The following PRPSAP2 variants were observed in gnomAD, a reference collection of about 807,000 sequenced individuals.
PRPSAP2 encodes phosphoribosyl pyrophosphate synthase-associated protein 2.
In PRPSAP2, 24 loss-of-function variants were observed where a neutral mutation model predicts 40.6. The ratio of observed to expected loss-of-function variants is 0.59; its 90% CI spans 0.43 to 0.83. The LOEUF (loss-of-function observed/expected upper bound fraction) is 0.83. Among genes scored for constraint, PRPSAP2 ranks in the 40% least tolerant of loss-of-function variants. The probability of loss-of-function intolerance (pLI) is 0.00; values close to 1 mark genes in which losing one functional copy is unlikely to be tolerated. For missense variants in PRPSAP2, 292 were observed against 465.6 expected, an observed-to-expected ratio of 0.63 and a Z score of 3.43; for synonymous variants, 149 against 164.7, an observed-to-expected ratio of 0.90 and a Z score of 0.73.
rs966468530 is a variant in PRPSAP2, at chr17:18,926,603, A to G, written c.805-2208A>G. 2.6e-5 allele frequency among the ~76,000 whole-genome samples: 4 copies of G among 152,270 alleles called. No homozygotes were observed. In the South Asian group the frequency reaches 8.3e-4, roughly 32 times the overall value. On this transcript the variant is annotated intron_variant, in intron 10 of 11. Coordinates refer to ENST00000268835, the MANE Select transcript of PRPSAP2 (RefSeq NM_002767.4). ...TTTTAAAAAAACGTTTTTATTTTGA[A>G]GTAATTATAGATCCACAGGAAGTAG...
At chr17:18,876,481 A>G (rs1174411813) in intron 5 of PRPSAP2, among the ~76,000 whole-genome samples, 3 of 152,058 alleles carry the variant, frequency 2.0e-5, no homozygotes, top group Non-Finnish European at 4.4e-5. Flanking sequence ...GTTTCCATTC[A>G]CTCCTTCTTT....
At chr17:18,914,976 T>C (rs565854068) in intron 9 of PRPSAP2, among the ~76,000 whole-genome samples, 2 of 151,234 alleles carry the variant, frequency 1.3e-5, no homozygotes, top group Admixed American at 1.3e-4. Flanking sequence ...TCCGCCTGCC[T>C]CAGCCTCCCA....
intron 8 of PRPSAP2, among the ~76,000 whole-genome samples, chr17:18,905,658 C>T (rs937309517): frequency 1.3e-5 from 2 of 152,048 alleles, no homozygotes; most frequent in Non-Finnish European, 2.9e-5. Flanking sequence ...CGGCTCACCG[C>T]AATCTCCGCC....
chr17:18,889,669 T>C (rs2039411098), intron 7 of PRPSAP2, among the ~76,000 whole-genome samples, 153 bp from the exon 8 acceptor site: 1 of 152,256 alleles, frequency 6.6e-6, no homozygotes, highest in Admixed American at 6.5e-5. Context: ...TATTTTTTCA[T>C]AGGCAGGTTC....
chr17:18,881,958 A>G (rs1328465332), intron 6 of PRPSAP2, among the ~76,000 whole-genome samples: 1 of 150,688 alleles, frequency 6.6e-6, no homozygotes, highest in East Asian at 2.0e-4. Context: ...CTTCTGCCTC[A>G]GCCTCCCAAG....
At chr17:18,866,941 AC>A (rs1437563316) in intron 3 of PRPSAP2, among the ~76,000 whole-genome samples, 1 of 151,460 alleles carries the variant, frequency 6.6e-6, no homozygotes, top group Non-Finnish European at 1.5e-5. Flanking sequence ...TGGAGGCAGA[AC>A]CCCCCCAAGC....
intron 8 of PRPSAP2, among the ~76,000 whole-genome samples, chr17:18,893,673 T>C (rs1285114109): frequency 6.6e-6 from 1 of 152,002 alleles, no homozygotes; most frequent in African/African-American, 2.4e-5. Context: ...GAGGATTGCT[T>C]GAGCCCAAGA....
At chr17:18,863,526 C>CTCTTTTCTTT (rs71155363) in intron 1 of PRPSAP2, among the ~76,000 whole-genome samples, 4 of 150,926 alleles carry the variant, frequency 2.7e-5, no homozygotes, top group African/African-American at 9.8e-5. Flanking sequence ...CTTTCTTCTT[C>CTCTTTTCTTT]TCTTTTCTTT....
chr17:18,925,901 C>T (rs923190798), intron 10 of PRPSAP2, among the ~76,000 whole-genome samples: 3 of 152,168 alleles, frequency 2.0e-5, no homozygotes, highest in Admixed American at 6.5e-5. Context: ...GTCAGGAGAT[C>T]GAGACCATCC....
At chr17:18,900,908 GTCCAGATT>G (rs1218517001) in intron 8 of PRPSAP2, among the ~76,000 whole-genome samples, 1 of 152,144 alleles carries the variant, frequency 6.6e-6, no homozygotes, top group African/African-American at 2.4e-5. Flanking sequence ...GGGGGTAGAA[GTCCAGATT>G]TCACTCTCCA....
At chr17:18,908,960 T>C (rs554764632) in intron 8 of PRPSAP2, 1 of 332,592 alleles carries the variant, frequency 3.0e-6, no homozygotes, top group Admixed American at 4.5e-5. Context: ...TGTTTTGTTT[T>C]TACAAGGGAT....
At chr17:18,894,454 C>T (rs57035178) in intron 8 of PRPSAP2, among the ~76,000 whole-genome samples, 79,332 of 150,302 alleles carry the variant, frequency 0.53, 21,208 homozygotes, top group Middle Eastern at 0.6. Flanking sequence ...CCACCATGCC[C>T]GGCCCTCTGT....
chr17:18,901,279 C>T (rs561169964), intron 8 of PRPSAP2, among the ~76,000 whole-genome samples: 24 of 152,298 alleles, frequency 1.6e-4, no homozygotes, highest in African/African-American at 5.8e-4. Context: ...AGCTACAAAT[C>T]TGGGATAATA....
Position 18,886,690 on chromosome 17 carries a change from A to G in PRPSAP2, c.529-3132A>G, listed in dbSNP as rs535755014. Among the ~76,000 whole-genome samples, 4 of 152,090 alleles carry G rather than the reference A, an allele frequency of 2.6e-5. No homozygotes were observed. In the South Asian group the frequency reaches 8.3e-4, roughly 32 times the overall value. On this transcript the variant is annotated intron_variant, in intron 7 of 11. Transcript: ENST00000268835. Reference sequence around the variant, plus strand: ...GCCATCTCTTCTGAGGGCGTCTGACAGTGTCTGTTGCCTTCCGCTGCACTG... The same window carrying G: ...GCCATCTCTTCTGAGGGCGTCTGACGGTGTCTGTTGCCTTCCGCTGCACTG...
chr17:18,906,404 CAG>C (rs2040586200), intron 8 of PRPSAP2, among the ~76,000 whole-genome samples: 1 of 152,078 alleles, frequency 6.6e-6, no homozygotes, highest in Admixed American at 6.6e-5. Context: ...TTAGTAGAGA[CAG>C]GGTTTCACCA....
chr17:18,881,646 TC>T (rs1270022472), intron 6 of PRPSAP2, among the ~76,000 whole-genome samples: 1 of 151,578 alleles, frequency 6.6e-6, no homozygotes, highest in Non-Finnish European at 1.5e-5. Flanking sequence ...GAAGCGATTC[TC>T]CCACCTTAGC....
chr17:18,875,437 C>T (rs181193746), intron 5 of PRPSAP2, among the ~76,000 whole-genome samples: 62 of 151,860 alleles, frequency 4.1e-4, no homozygotes, highest in Non-Finnish European at 6.6e-4. Context: ...TGGTCATGAG[C>T]GCCTGTAGTC....
intron 8 of PRPSAP2, among the ~76,000 whole-genome samples, chr17:18,899,259 T>C (rs1278234006): frequency 6.6e-6 from 1 of 152,076 alleles, no homozygotes; most frequent in Non-Finnish European, 1.5e-5. Context: ...TAGTCTTTTA[T>C]ATTTTTATTT....
intron 7 of PRPSAP2, among the ~76,000 whole-genome samples, chr17:18,884,944 A>T (rs908554928): frequency 1.3e-5 from 2 of 152,268 alleles, no homozygotes; most frequent in Admixed American, 6.5e-5. Context: ...CTCTTAAGGG[A>T]TGCCCGGTGG....
Sources: allele counts gnomAD v4.1 joint callset (sites outside exome capture counted in the v4.1 genomes callset), GRCh38; gene constraint gnomAD v4.1.1; transcripts MANE v1.5; gene names NCBI Gene and HGNC (gene_info 2026-07-23, HGNC 2026-07-21).